The following SHISA9 variants were observed in gnomAD, a reference collection of about 807,000 sequenced individuals.
The protein encoded by SHISA9 is shisa family member 9.
Under a neutral mutation model 38.0 loss-of-function variants are expected in SHISA9, and 13 were observed. That is an observed-to-expected ratio of 0.34 (90% CI 0.22 to 0.54). SHISA9 has a LOEUF of 0.54. SHISA9 is among the 20% of genes least tolerant of loss of function. SHISA9 has a pLI of 0.91. For synonymous variants in SHISA9, 275 were observed against 242.0 expected (o/e 1.14, Z -1.27); for missense variants, 538 against 575.8 (o/e 0.93, Z 0.67).
At chr16:13,246,873 C>T in the SHISA9 span, among the ~76,000 whole-genome samples, 1 of 151,848 alleles carries the variant, frequency 6.6e-6, no homozygotes, top group Non-Finnish European at 1.5e-5. Context: ...TAAATGTTAT[C>T]CGTTGCCATC....
chr16:13,480,687 A>G, the SHISA9 span, among the ~76,000 whole-genome samples: 16 of 152,270 alleles, frequency 1.1e-4, no homozygotes, highest in East Asian at 3.1e-3. Context: ...CTCTCATCCA[A>G]GCTGCTTTGG....
At chr16:12,925,805 T>C (rs916428556) in intron 2 of SHISA9, among the ~76,000 whole-genome samples, 5 of 152,256 alleles carry the variant, frequency 3.3e-5, no homozygotes, top group African/African-American at 9.6e-5. Context: ...ATAGCATTGA[T>C]ACTTAGTGTG....
intron 2 of SHISA9, among the ~76,000 whole-genome samples, chr16:13,089,444 G>A (rs573651323): frequency 1.7e-4 from 26 of 152,170 alleles, no homozygotes; most frequent in African/African-American, 6.0e-4. Context: ...ACTTTTTTTG[G>A]TTGGTAGGCT....
At chr16:13,426,531 G>A in the SHISA9 span, among the ~76,000 whole-genome samples, 5 of 152,146 alleles carry the variant, frequency 3.3e-5, no homozygotes. Flanking sequence ...ACCTCATAGA[G>A]GGCGCCACAG....
At chr16:13,553,721 C>T in the SHISA9 span, among the ~76,000 whole-genome samples, 1 of 152,068 alleles carries the variant, frequency 6.6e-6, no homozygotes, top group Non-Finnish European at 1.5e-5. Flanking sequence ...AAGAAAATTT[C>T]TTGTGGCTTC....
chr16:13,299,423 G>T, the SHISA9 span, among the ~76,000 whole-genome samples: 3 of 152,122 alleles, frequency 2.0e-5, no homozygotes, highest in Non-Finnish European at 4.4e-5. Context: ...GGCAGCAGAA[G>T]AGTTCAGAGT....
At chr16:13,013,350 C>G (rs1281502708) in intron 2 of SHISA9, among the ~76,000 whole-genome samples, 1 of 152,202 alleles carries the variant, frequency 6.6e-6, no homozygotes, top group Non-Finnish European at 1.5e-5. Context: ...AGCCTGGGGC[C>G]TGTCCTGGCT....
chr16:13,405,983 A>C, the SHISA9 span, among the ~76,000 whole-genome samples: 1 of 152,042 alleles, frequency 6.6e-6, no homozygotes, highest in African/African-American at 2.4e-5. Context: ...AAAAATAGAC[A>C]AGTGGAACCT....
At chr16:13,187,023 G>A (rs897209190) in intron 2 of SHISA9, among the ~76,000 whole-genome samples, 2 of 152,158 alleles carry the variant, frequency 1.3e-5, no homozygotes, top group African/African-American at 4.8e-5. Context: ...GAAGAGTGCT[G>A]CTGTGAACAC....
At chr16:13,069,207 CATGCAATGTGTGTATGT>C (rs1424525887) in intron 2 of SHISA9, among the ~76,000 whole-genome samples, 1 of 151,214 alleles carries the variant, frequency 6.6e-6, no homozygotes, top group Non-Finnish European at 1.5e-5. Flanking sequence ...TGTGTACATG[CATGCAATGTGTGTATGT>C]ATGCATGTAT....
chr16:13,122,774 T>A (rs1426306510), intron 2 of SHISA9, among the ~76,000 whole-genome samples: 7 of 152,188 alleles, frequency 4.6e-5, no homozygotes, highest in Non-Finnish European at 7.3e-5. Flanking sequence ...GGGCTGGGCA[T>A]GGTGATTCAC....
At chr16:13,036,395 C>T (rs2073063727) in intron 2 of SHISA9, among the ~76,000 whole-genome samples, 1 of 152,058 alleles carries the variant, frequency 6.6e-6, no homozygotes, top group African/African-American at 2.4e-5. Flanking sequence ...TACATAATTT[C>T]ATTTATTTGA....
the SHISA9 span, among the ~76,000 whole-genome samples, chr16:13,371,379 C>T: frequency 2.6e-5 from 4 of 152,122 alleles, no homozygotes; most frequent in African/African-American, 9.7e-5. Context: ...ACTGATGTGC[C>T]TGAAGTCTGA....
At chr16:12,931,683 C>G (rs1362897915) in intron 2 of SHISA9, among the ~76,000 whole-genome samples, 2 of 152,086 alleles carry the variant, frequency 1.3e-5, no homozygotes, top group Non-Finnish European at 2.9e-5. Context: ...TTTATCCAGT[C>G]CATGTTTATT....
chr16:12,911,357 A>G (rs930087805), intron 1 of SHISA9: 5 of 985,212 alleles, frequency 5.1e-6, no homozygotes, highest in Admixed American at 6.2e-5. Context: ...TCTACTGTCT[A>G]ATTCATTACA....
At chr16:13,397,826 T>G in the SHISA9 span, among the ~76,000 whole-genome samples, 1 of 152,334 alleles carries the variant, frequency 6.6e-6, no homozygotes, top group East Asian at 1.9e-4. Context: ...GAGGGCTTTC[T>G]GTATCCCAGG....
the SHISA9 span, among the ~76,000 whole-genome samples, chr16:13,283,144 C>G: frequency 6.6e-6 from 1 of 151,934 alleles, no homozygotes; most frequent in Non-Finnish European, 1.5e-5. Flanking sequence ...TAATTCTTAT[C>G]TTAGAAGGCA....
At chr16:12,916,575 G>A (rs1050903289) in intron 1 of SHISA9, 113 bp from the exon 2 acceptor site, 39 of 1,257,600 alleles carry the variant, frequency 3.1e-5, no homozygotes, top group African/African-American at 1.8e-4. Flanking sequence ...CTAGAATGGT[G>A]GCTCCATGGA....
In SHISA9 at chr16:13,235,071, C is replaced by G. The variant is rs1168357427; in HGVS notation, c.937C>G (p.Leu313Val). Residue 313 changes from leucine to valine, a missense_variant, in exon 5 of 5, where the codon CTG (leucine) becomes GTG (valine). Leu to Val is a conservative substitution (Grantham distance 32). Transcript: ENST00000558583. ...NDDFYTKRRH[L>V]AELAAKGNLP... ...CGACTTCTACACCAAGCGACGGCAC[C>G]TGGCTGAGCTGGCTGCCAAGGGGAA... is the stretch of plus-strand genomic sequence containing the variant. 1.3e-6 allele frequency: 2 copies of G among 1,551,438 alleles called. No homozygotes were observed. Among genetic ancestry groups the G allele is most frequent in the Non-Finnish European group, 1.7e-6 (2 of 1,146,922 alleles).
Sources: allele counts gnomAD v4.1 joint callset (sites outside exome capture counted in the v4.1 genomes callset), GRCh38; gene constraint gnomAD v4.1.1; transcripts MANE v1.5; gene names NCBI Gene and HGNC (gene_info 2026-07-23, HGNC 2026-07-21).